Variants in USP54 observed in about 807,000 individuals in gnomAD.
USP54 encodes the protein ubiquitin specific peptidase 54.
Under a neutral mutation model 170.5 loss-of-function variants are expected in USP54, and 87 were observed. That is an observed-to-expected ratio of 0.51 (90% CI 0.43 to 0.61). The LOEUF (loss-of-function observed/expected upper bound fraction) is 0.61. USP54 is among the 20% of genes least tolerant of loss of function. The pLI, the probability that USP54 is intolerant of heterozygous loss-of-function variation, is 0.00. For missense variants in USP54, 1,786 were observed against 2,047.8 expected (o/e 0.87, Z 2.47); for synonymous variants, 655 against 742.8 (o/e 0.88, Z 1.92).
Position 73,517,681 on chromosome 10 carries a change from T to C in USP54, c.2745A>G (p.Thr915=). The C allele has an allele frequency of 1.2e-6, 2 of 1,614,204 alleles. No individual in the cohort carries two copies. Among genetic ancestry groups the C allele is most frequent in the Non-Finnish European group, 1.7e-6 (2 of 1,180,044 alleles). The change falls in exon 20 of 24, where the codon ACA becomes ACG. Residue 915 remains threonine, a synonymous_variant. Transcript: ENST00000687698. ...GGAAGAAAGAACTGGCCCCAAACTC[T>C]GTATCCATGCCGGATTCCAGTTGGG... ...QEAQLESGMD[T]EFGASSFFHS...
chr10:73,607,343 A>G (rs934198417), intron 1 of USP54, among the ~76,000 whole-genome samples: 54 of 151,830 alleles, frequency 3.6e-4, no homozygotes, highest in African/African-American at 1.3e-3. Flanking sequence ...AAAAGAAAAA[A>G]AAAAATAAAC....
At chr10:73,530,662 G>C (rs1453463836) in intron 13 of USP54, 42 bp downstream of exon 13, 3 of 1,609,250 alleles carry the variant, frequency 1.9e-6, no homozygotes, top group Non-Finnish European at 2.5e-6. Context: ...AAGTTTGATA[G>C]AGTGAATGAA....
At position 73,504,856 on chromosome 10, in the gene USP54, G is replaced by A; in HGVS notation, c.4305C>T (p.His1435=). ...SEREEAPVSS[H]SFDSSNVRKP... Reference sequence around the variant, plus strand: ...GGACCCTGATTCTACTTACAAAACTGTGGGAAGAAACCGGAGCTTCCTCCC... The same window carrying A: ...GGACCCTGATTCTACTTACAAAACTATGGGAAGAAACCGGAGCTTCCTCCC... The change falls in exon 22 of 24, where the codon CAC becomes CAT. Residue 1435 remains histidine, a synonymous_variant. Coordinates refer to ENST00000687698, the MANE Select transcript of USP54 (RefSeq NM_001391956.1). 1 of 1,614,154 alleles carries A rather than the reference G, an allele frequency of 6.2e-7. No individual in the cohort carries two copies. Among genetic ancestry groups the A allele is most frequent in the Non-Finnish European group, 8.5e-7 (1 of 1,180,042 alleles).
chr10:73,539,292 A>AT lies in USP54; in HGVS notation c.975+151dup, dbSNP rs1554880897. The AT allele has an allele frequency of 3.0e-4, 81 of 274,184 alleles. No homozygotes were observed. The South Asian group carries it at 3.2e-3, about 11-fold the overall frequency. 17.0% of individuals were successfully genotyped at this position (274,184 alleles called of 1,614,324 possible). On this transcript the variant is annotated intron_variant, in intron 10 of 23. Coordinates refer to ENST00000687698, the MANE Select transcript of USP54 (RefSeq NM_001391956.1). ...AGACTCCATCTCAAAAAAAAAAAAA[A>AT]TTAAAAAAAAAAAAAATATATATAT...
intron 6 of USP54, 52 bp from the exon 7 acceptor site, chr10:73,542,937 T>G: frequency 6.2e-7 from 1 of 1,612,326 alleles, no homozygotes; most frequent in Non-Finnish European, 8.5e-7. Flanking sequence ...AGGAACTGTT[T>G]TGGCACCCAT....
rs562702203 is a variant in USP54 at position 73,539,002 on chromosome 10, C to T, written c.975+442G>A. ...ACAGACATAAAAATATAAAATACGC[C>T]GGGCACAGTGGCTCATGCCTATAAT... On this transcript the variant is annotated intron_variant, in intron 10 of 23. Transcript: ENST00000687698. 7.9e-5 allele frequency among the ~76,000 whole-genome samples: 12 copies of T among 151,946 alleles called. No individual in the cohort carries two copies. The East Asian group carries it at 2.1e-3, about 27-fold the overall frequency.
intron 20 of USP54, chr10:73,507,393 G>A (rs777293989): frequency 1.3e-5 from 2 of 152,094 alleles, no homozygotes; most frequent in Non-Finnish European, 1.5e-5. Context: ...TTACAGCTAA[G>A]GCTGGGTGCG....
chr10:73,597,335 C>G (rs2078813909), intron 1 of USP54, among the ~76,000 whole-genome samples: 1 of 152,186 alleles, frequency 6.6e-6, no homozygotes, highest in South Asian at 2.1e-4. Flanking sequence ...CAGCTAAAGG[C>G]CCCAAGGTTC....
intron 4 of USP54, among the ~76,000 whole-genome samples, chr10:73,557,362 C>A (rs561426945): frequency 6.6e-6 from 1 of 152,014 alleles, no homozygotes; most frequent in South Asian, 2.1e-4. Context: ...TGCTCTGTCA[C>A]CCAGGCAGAA....
chr10:73,585,521 A>T (rs2077377973), intron 1 of USP54, among the ~76,000 whole-genome samples: 1 of 152,084 alleles, frequency 6.6e-6, no homozygotes, highest in African/African-American at 2.4e-5. Flanking sequence ...ATCTTGTGTG[A>T]ATTAACTGAG....
intron 22 of USP54, 80 bp downstream of exon 22, chr10:73,504,770 C>T: frequency 1.3e-6 from 2 of 1,588,616 alleles, no homozygotes; most frequent in Non-Finnish European, 1.7e-6. Flanking sequence ...TTCACTTTCT[C>T]CCTGCTTCTT....
At chr10:73,621,876 A>T (rs1243895618) in intron 1 of USP54, among the ~76,000 whole-genome samples, 1 of 152,168 alleles carries the variant, frequency 6.6e-6, no homozygotes, top group Non-Finnish European at 1.5e-5. Flanking sequence ...TAACATTCAC[A>T]TTAGTTCCCC....
At chr10:73,620,435 T>A (rs1234701033) in intron 1 of USP54, among the ~76,000 whole-genome samples, 2 of 149,754 alleles carry the variant, frequency 1.3e-5, no homozygotes, top group South Asian at 4.2e-4. Flanking sequence ...TGATTATCAA[T>A]ACTTCATTAA....
intron 4 of USP54, among the ~76,000 whole-genome samples, chr10:73,569,651 G>A (rs770252271): frequency 6.6e-6 from 1 of 151,320 alleles, no homozygotes; most frequent in Non-Finnish European, 1.5e-5. Context: ...TACTCGGGAG[G>A]TTGAGGAGAA....
chr10:73,548,563 G>C (rs1447064669), intron 4 of USP54, among the ~76,000 whole-genome samples: 1 of 152,056 alleles, frequency 6.6e-6, no homozygotes, highest in Non-Finnish European at 1.5e-5. Flanking sequence ...AAAAAAATGA[G>C]TTCATGTCCT....
At chr10:73,536,526 A>C in intron 10 of USP54, 89 bp from the exon 11 acceptor site, 1 of 1,358,156 alleles carries the variant, frequency 7.4e-7, no homozygotes, top group Non-Finnish European at 9.6e-7. Context: ...TTCTAAAGAA[A>C]ATAAAAGAGA....
upstream of USP54, among the ~76,000 whole-genome samples, chr10:73,595,529 C>A (rs1394249885): frequency 6.6e-6 from 1 of 152,132 alleles, no homozygotes; most frequent in Non-Finnish European, 1.5e-5. Context: ...CAAGAAATCT[C>A]TATATTTCTC....
chr10:73,555,995 C>G (rs965708134), intron 4 of USP54, among the ~76,000 whole-genome samples: 1 of 152,124 alleles, frequency 6.6e-6, no homozygotes, highest in Non-Finnish European at 1.5e-5. Flanking sequence ...TTAAACCAGT[C>G]ACAGTCTAAT....
At chr10:73,511,783 C>T (rs992616786) in intron 20 of USP54, among the ~76,000 whole-genome samples, 2 of 150,566 alleles carry the variant, frequency 1.3e-5, no homozygotes, top group African/African-American at 2.4e-5. Context: ...ACTCTTGTCA[C>T]CCAGGCTGGA....
Sources: allele counts gnomAD v4.1 joint callset (sites outside exome capture counted in the v4.1 genomes callset), GRCh38; gene constraint gnomAD v4.1.1; transcripts MANE v1.5; gene names NCBI Gene and HGNC (gene_info 2026-07-23, HGNC 2026-07-21).